Variants in ARHGEF11 observed in about 807,000 individuals in gnomAD.
The protein encoded by ARHGEF11 is Rho guanine nucleotide exchange factor 11, also known as Rho guanine exchange factor (GEF) 11.
In ARHGEF11, 55 loss-of-function variants were observed where a neutral mutation model predicts 193.7. The observed-to-expected ratio is 0.28, with a 90% CI of 0.23 to 0.36. The LOEUF is 0.36. Among genes scored for constraint, ARHGEF11 ranks in the 10% least tolerant of loss-of-function variants. ARHGEF11 has a pLI of 1.00. For synonymous variants in ARHGEF11, 693 were observed against 768.0 expected, an observed-to-expected ratio of 0.90 and a Z score of 1.62; for missense variants, 1,723 against 2,005.6, an observed-to-expected ratio of 0.86 and a Z score of 2.69.
At chr1:156,960,352 G>T in intron 15 of ARHGEF11, 66 bp downstream of exon 15, 1 of 1,504,946 alleles carries the variant, frequency 6.6e-7, no homozygotes, top group Non-Finnish European at 9.2e-7. Context: ...GTCCTCTGGA[G>T]CCTCCTGAGA....
chr1:156,966,720 C>A (rs1222559722), intron 11 of ARHGEF11, among the ~76,000 whole-genome samples: 3 of 152,186 alleles, frequency 2.0e-5, no homozygotes, highest in Non-Finnish European at 2.9e-5. Flanking sequence ...TTTTGATTAA[C>A]CCAGGAAAAA....
intron 8 of ARHGEF11, 84 bp from the exon 9 acceptor site, chr1:156,970,127 G>A: frequency 1.6e-6 from 2 of 1,227,548 alleles, no homozygotes; most frequent in Admixed American, 1.9e-5. Flanking sequence ...TGCCTTATTT[G>A]CTTACAATTA....
chr1:156,987,783 C>T (rs777386612), intron 1 of ARHGEF11, among the ~76,000 whole-genome samples: 12 of 151,868 alleles, frequency 7.9e-5, no homozygotes, highest in African/African-American at 1.2e-4. Context: ...AAGAAGAGAG[C>T]GTGGGCCCAG....
chr1:156,973,086 T>G (rs960046889), intron 7 of ARHGEF11, among the ~76,000 whole-genome samples: 1 of 152,080 alleles, frequency 6.6e-6, no homozygotes, highest in Non-Finnish European at 1.5e-5. Context: ...TGTGGTTTTC[T>G]GATTTTATTT....
chr1:157,030,795 T>G (rs531596647), intron 1 of ARHGEF11, among the ~76,000 whole-genome samples: 1 of 152,186 alleles, frequency 6.6e-6, no homozygotes, highest in African/African-American at 2.4e-5. Context: ...TGAAAATCCT[T>G]GCCCTGGACC....
At chr1:156,962,903 A>C (rs908175504) in intron 13 of ARHGEF11, among the ~76,000 whole-genome samples, 35 of 151,082 alleles carry the variant, frequency 2.3e-4, no homozygotes, top group Admixed American at 1.8e-3. Flanking sequence ...AAAAAAAAAA[A>C]AAAAACTCTA....
intron 1 of ARHGEF11, among the ~76,000 whole-genome samples, chr1:157,038,609 C>A (rs1056790614): frequency 6.6e-6 from 1 of 152,100 alleles, no homozygotes; most frequent in Non-Finnish European, 1.5e-5. Flanking sequence ...TAAGAGACAC[C>A]CTATTTGGAG....
In ARHGEF11 at chr1:156,948,773, T is replaced by C; in HGVS notation, c.1926-275A>G. On this transcript the variant is annotated intron_variant, in intron 22 of 40. Transcript: ENST00000368194. This position sits in a 1 kb window ranked among gnomAD's most constrained non-coding sequence, Gnocchi z 4.2. ...TTAGGAAGGGATCCTAACAGGAAGA[T>C]GAAATCTGGGGCTAACAGACTCTGA... 2 of 1,395,168 alleles carry C rather than the reference T, an allele frequency of 1.4e-6. 1 individual carries two copies. Among genetic ancestry groups the C allele is most frequent in the South Asian group, 2.8e-5 (2 of 71,650 alleles). 86.4% of individuals were successfully genotyped at this position (1,395,168 alleles called of 1,614,324 possible). A position where few individuals can be genotyped will look rare whatever the true frequency, so the allele number is the denominator to read the frequency against.
At chr1:157,031,013 T>G (rs1382422754) in intron 1 of ARHGEF11, among the ~76,000 whole-genome samples, 1 of 145,188 alleles carries the variant, frequency 6.9e-6, no homozygotes, top group Non-Finnish European at 1.5e-5. Flanking sequence ...TCCTGTCACA[T>G]CTTTCCTCCT....
At chr1:157,040,754 A>T (rs1162190870) in intron 1 of ARHGEF11, among the ~76,000 whole-genome samples, 4 of 152,240 alleles carry the variant, frequency 2.6e-5, no homozygotes. Flanking sequence ...GCACGAAGCT[A>T]AATCAAATCT....
intron 7 of ARHGEF11, among the ~76,000 whole-genome samples, chr1:156,976,005 T>C (rs1166887372): frequency 1.3e-5 from 2 of 152,180 alleles, no homozygotes; most frequent in Non-Finnish European, 2.9e-5. Context: ...TATCATAATA[T>C]AGTATATCTT....
At chr1:156,954,839 AT>A (rs1235232594) in intron 21 of ARHGEF11, 52 bp downstream of exon 21, 1 of 1,454,004 alleles carries the variant, frequency 6.9e-7, no homozygotes, top group African/African-American at 1.4e-5. Context: ...GATTTGGGAG[AT>A]GGAAACTCAA....
intron 34 of ARHGEF11, 140 bp downstream of exon 34, chr1:156,941,724 C>G: frequency 2.3e-6 from 3 of 1,292,112 alleles, no homozygotes; most frequent in Non-Finnish European, 3.2e-6. Flanking sequence ...CTCCATCTGC[C>G]AGCACTTGGA....
chr1:157,008,420 AC>A (rs1668148606), intron 1 of ARHGEF11, among the ~76,000 whole-genome samples: 1 of 151,876 alleles, frequency 6.6e-6, no homozygotes, highest in Non-Finnish European at 1.5e-5. Flanking sequence ...ACACACACAC[AC>A]ACACACACAC....
At chr1:157,017,569 T>C (rs914870565) in intron 1 of ARHGEF11, among the ~76,000 whole-genome samples, 2 of 151,846 alleles carry the variant, frequency 1.3e-5, no homozygotes, top group African/African-American at 4.8e-5. Flanking sequence ...TAGCCGGACG[T>C]GGTGGCACGC....
intron 15 of ARHGEF11, among the ~76,000 whole-genome samples, chr1:156,960,001 C>A (rs1242115306): frequency 7.4e-6 from 1 of 135,810 alleles, no homozygotes; most frequent in Non-Finnish European, 1.5e-5. Context: ...GAGGATGGAG[C>A]GAGGCCCTAG....
chr1:156,990,270 T>G (rs556674143), intron 1 of ARHGEF11, among the ~76,000 whole-genome samples: 1 of 152,342 alleles, frequency 6.6e-6, no homozygotes, highest in Admixed American at 6.5e-5. Flanking sequence ...CACAGTTAGA[T>G]TCATGTTAAA....
At chr1:157,036,582 A>G (rs1232338675) in intron 1 of ARHGEF11, among the ~76,000 whole-genome samples, 1 of 152,038 alleles carries the variant, frequency 6.6e-6, no homozygotes, top group African/African-American at 2.4e-5. Context: ...TCGGCCTCCC[A>G]AAGTGCTGGG....
intron 1 of ARHGEF11, among the ~76,000 whole-genome samples, chr1:157,013,299 A>ACACACACACACACCCC (rs534893600): frequency 1.3e-5 from 2 of 148,624 alleles, no homozygotes; most frequent in Non-Finnish European, 3.0e-5. Context: ...ACACACACAC[A>ACACACACACACACCCC]CCAAGAACCT....
Sources: gnomAD v4.1 joint callset for allele counts (sites outside exome capture counted in the v4.1 genomes callset) on GRCh38, gnomAD v4.1.1 for gene constraint, Gnocchi (gnomAD v3.1) non-coding constraint, MANE v1.5 for transcripts, NCBI Gene and HGNC (gene_info 2026-07-23, HGNC 2026-07-21) for gene names.